Variants in ZC3H12B observed in about 807,000 individuals in gnomAD.
ZC3H12B encodes the protein zinc finger CCCH-type containing 12B.
In ZC3H12B, 7 loss-of-function variants were observed where a neutral mutation model predicts 43.9. That is an observed-to-expected ratio of 0.16 (90% CI 0.09 to 0.30). ZC3H12B has a LOEUF of 0.30. Ranked by LOEUF, ZC3H12B falls within the 10% of genes least tolerant of loss-of-function variation. ZC3H12B has a pLI of 1.00. For synonymous variants in ZC3H12B, 222 were observed against 241.7 expected (o/e 0.92, Z 0.76); for missense variants, 475 against 670.2 (o/e 0.71, Z 3.22).
chrX:65,277,942 AC>A, the ZC3H12B span, among the ~76,000 whole-genome samples: 2 of 111,455 alleles, frequency 1.8e-5, no homozygotes, highest in Non-Finnish European at 3.8e-5. Flanking sequence ...GAAAAGGTAA[AC>A]AAAATTGACA....
At chrX:65,298,029 C>T in the ZC3H12B span, among the ~76,000 whole-genome samples, 1 of 112,117 alleles carries the variant, frequency 8.9e-6, no homozygotes, top group Admixed American at 9.4e-5. Context: ...TCTTCTAAGA[C>T]TGGGAACCAT....
chrX:65,428,307 G>C (rs1288302798), intron 3 of ZC3H12B, among the ~76,000 whole-genome samples: 1 of 112,148 alleles, frequency 8.9e-6, no homozygotes, highest in African/African-American at 3.2e-5. Context: ...ATGTTTACCT[G>C]TATTGCTAGA....
At chrX:65,307,445 G>A in the ZC3H12B span, among the ~76,000 whole-genome samples, 22 of 111,846 alleles carry the variant, frequency 2.0e-4, no homozygotes, top group African/African-American at 6.5e-5. Context: ...AGATAAATGA[G>A]CAATGGAAAA....
the ZC3H12B span, among the ~76,000 whole-genome samples, chrX:65,319,031 A>G: frequency 9.0e-6 from 1 of 111,411 alleles, no homozygotes; most frequent in Admixed American, 9.6e-5. Flanking sequence ...GAAACAAGAG[A>G]AAACATACCC....
chrX:65,373,185 A>C (rs1569379224), intron 2 of ZC3H12B, among the ~76,000 whole-genome samples: 1 of 112,429 alleles, frequency 8.9e-6, no homozygotes, highest in Non-Finnish European at 1.9e-5. Context: ...TGTAAACCAC[A>C]ATGAGATACC....
the ZC3H12B span, among the ~76,000 whole-genome samples, chrX:65,347,059 C>T: frequency 8.9e-6 from 1 of 112,133 alleles, no homozygotes; most frequent in African/African-American, 3.2e-5. Context: ...AGAGCTCTGG[C>T]TGGCATCTGG....
chrX:65,141,598 G>A, the ZC3H12B span, among the ~76,000 whole-genome samples: 1 of 109,651 alleles, frequency 9.1e-6, no homozygotes, highest in Middle Eastern at 4.3e-3. Flanking sequence ...GTGATGATTT[G>A]TGAGATTTTG....
At chrX:65,481,413 A>T (rs768831815) in intron 3 of ZC3H12B, among the ~76,000 whole-genome samples, 5 of 111,894 alleles carry the variant, frequency 4.5e-5, no homozygotes, top group African/African-American at 6.5e-5. Flanking sequence ...CACCTAGAGC[A>T]GTGCTAAGTA....
the ZC3H12B span, among the ~76,000 whole-genome samples, chrX:65,303,422 A>G: frequency 2.7e-5 from 3 of 112,342 alleles, no homozygotes; most frequent in Non-Finnish European, 5.6e-5. Flanking sequence ...TATTTGCTAT[A>G]TTAACAGGTT....
the ZC3H12B span, among the ~76,000 whole-genome samples, chrX:65,060,983 T>C: frequency 6.3e-5 from 7 of 111,698 alleles, no homozygotes; most frequent in Admixed American, 6.7e-4. Context: ...TCTTCCTGTG[T>C]CAATCTTGGT....
At chrX:65,422,538 ATT>A (rs112403027) in intron 3 of ZC3H12B, among the ~76,000 whole-genome samples, 154 of 106,427 alleles carry the variant, frequency 1.4e-3, no homozygotes, top group African/African-American at 4.6e-3. Flanking sequence ...TTGATGTTTT[ATT>A]TTTTTTTTTA....
the ZC3H12B span, among the ~76,000 whole-genome samples, chrX:65,176,839 C>G: frequency 2.7e-5 from 3 of 111,590 alleles, no homozygotes; most frequent in African/African-American, 9.8e-5. Flanking sequence ...CAGTCAAATT[C>G]TACCAGAGGC....
At chrX:65,225,588 G>A in the ZC3H12B span, among the ~76,000 whole-genome samples, 9,271 of 111,365 alleles carry the variant, frequency 0.083, 1,028 homozygotes, top group African/African-American at 0.29. Context: ...AGCTACAGAA[G>A]GAAATTCAAA....
At chrX:65,111,533 TTTTA>T in the ZC3H12B span, among the ~76,000 whole-genome samples, 6 of 96,779 alleles carry the variant, frequency 6.2e-5, no homozygotes, top group East Asian at 1.7e-3. Context: ...GTATTGCAAT[TTTTA>T]TTTTTTTATT....
At chrX:65,083,537 A>T in the ZC3H12B span, among the ~76,000 whole-genome samples, 6 of 111,647 alleles carry the variant, frequency 5.4e-5, no homozygotes, top group Non-Finnish European at 9.4e-5. Context: ...AAACACCTCA[A>T]ATTAACCAAA....
the ZC3H12B span, among the ~76,000 whole-genome samples, chrX:65,232,810 G>A: frequency 1.8e-5 from 2 of 108,845 alleles, no homozygotes; most frequent in African/African-American, 6.6e-5. Flanking sequence ...CTGAATGGAT[G>A]GAAAAAAAAA....
chrX:65,422,972 G>A (rs1383698024), intron 3 of ZC3H12B, among the ~76,000 whole-genome samples: 43 of 70,539 alleles, frequency 6.1e-4, no homozygotes, highest in African/African-American at 2.4e-3. Context: ...TCACTGTGTT[G>A]CCTAGGCTGG....
rs773502361 is a variant in ZC3H12B, at chrX:65,454,707, G to T, written n.408-33939G>T. Among the ~76,000 whole-genome samples the T allele has an allele frequency of 2.7e-5, 3 of 111,893 alleles. No homozygotes were observed. The South Asian group carries it at 1.1e-3, about 42-fold the overall frequency. On this transcript the variant is annotated intron_variant and non_coding_transcript_variant, in intron 3 of 5. Transcript: ENST00000617377. ...CAAGTTGGTCCCAGACCCCCAAGTA[G>T]CCTAACTGGGAGGCACACCCCAGTA...
At chrX:65,336,450 C>T in the ZC3H12B span, among the ~76,000 whole-genome samples, 1 of 110,263 alleles carries the variant, frequency 9.1e-6, no homozygotes, top group Non-Finnish European at 1.9e-5. Context: ...TAACATTTTC[C>T]ACTCCAGCCA....
Sources: allele counts gnomAD v4.1 joint callset (sites outside exome capture counted in the v4.1 genomes callset), GRCh38; gene constraint gnomAD v4.1.1; transcripts MANE v1.5; gene names NCBI Gene and HGNC (gene_info 2026-07-23, HGNC 2026-07-21).